Variants in KCNT2 observed in about 807,000 individuals in gnomAD.
KCNT2 encodes the protein potassium channel subfamily T member 2.
KCNT2 carries 67 observed loss-of-function variants against 153.8 expected under a neutral mutation model. The ratio of observed to expected loss-of-function variants is 0.44; its 90% CI spans 0.36 to 0.53. The LOEUF is 0.53. Ranked by LOEUF, KCNT2 falls within the 20% of genes least tolerant of loss-of-function variation. The pLI is 0.00. For missense variants in KCNT2, 975 were observed against 1,354.8 expected (o/e 0.72, Z 4.40); for synonymous variants, 500 against 458.8 (o/e 1.09, Z -1.15).
rs987252508 is a variant in KCNT2, at chr1:196,301,815, C to G, written c.2595+3419G>C. Among the ~76,000 whole-genome samples the G allele has an allele frequency of 7.9e-5, 12 of 152,182 alleles. 1 individual carries two copies. The highest frequency in any genetic ancestry group is 7.3e-5 in the Non-Finnish European group (5 of 68,030). On this transcript the variant is annotated intron_variant, in intron 22 of 27. Coordinates refer to ENST00000294725, the MANE Select transcript of KCNT2 (RefSeq NM_198503.5). Reference sequence around the variant, plus strand: ...AGTGCAATGGCACAATCTTGGCTCACTACACCTTCCACCTCCTGGATTCAA... The same window carrying G: ...AGTGCAATGGCACAATCTTGGCTCAGTACACCTTCCACCTCCTGGATTCAA...
At chr1:196,589,938 C>A (rs1043636354) in intron 1 of KCNT2, among the ~76,000 whole-genome samples, 4 of 151,988 alleles carry the variant, frequency 2.6e-5, no homozygotes, top group Non-Finnish European at 4.4e-5. Context: ...TTTTTTCATT[C>A]CAACACCAGA....
At chr1:196,414,785 T>C (rs1034309422) in intron 12 of KCNT2, among the ~76,000 whole-genome samples, 1 of 151,850 alleles carries the variant, frequency 6.6e-6, no homozygotes, top group African/African-American at 2.4e-5. Flanking sequence ...AACTATTTAG[T>C]GTGAGTGAGT....
chr1:196,349,408 C>T (rs908024811), intron 14 of KCNT2, among the ~76,000 whole-genome samples: 3 of 152,122 alleles, frequency 2.0e-5, no homozygotes, highest in Non-Finnish European at 4.4e-5. Flanking sequence ...GCTTGTTCTC[C>T]CTGGGCTGTC....
chr1:196,441,217 C>A (rs1675193338), intron 8 of KCNT2, among the ~76,000 whole-genome samples: 1 of 151,726 alleles, frequency 6.6e-6, no homozygotes, highest in Non-Finnish European at 1.5e-5. Context: ...ACCTATGAAA[C>A]ATCTTAACCA....
chr1:196,276,918 C>T (rs915750462), intron 25 of KCNT2, among the ~76,000 whole-genome samples: 23 of 152,168 alleles, frequency 1.5e-4, no homozygotes, highest in African/African-American at 4.8e-4. Flanking sequence ...TCCTTTCCTT[C>T]AGTGTTTTGA....
chr1:196,590,914 C>T (rs531949436), intron 1 of KCNT2, among the ~76,000 whole-genome samples: 67 of 151,906 alleles, frequency 4.4e-4, no homozygotes, highest in Non-Finnish European at 7.8e-4. Flanking sequence ...TCACTTGAGG[C>T]CAGGAGTTCA....
At chr1:196,296,993 A>G (rs149243408) in intron 22 of KCNT2, among the ~76,000 whole-genome samples, 1 of 152,168 alleles carries the variant, frequency 6.6e-6, no homozygotes, top group East Asian at 1.9e-4. Context: ...TAACATTTCA[A>G]AAAGAAAGCA....
At chr1:196,486,462 T>G (rs1378476286) in intron 3 of KCNT2, among the ~76,000 whole-genome samples, 2 of 151,882 alleles carry the variant, frequency 1.3e-5, no homozygotes, top group Non-Finnish European at 2.9e-5. Context: ...AAGCAAAAGT[T>G]AAATATAGGA....
intron 22 of KCNT2, among the ~76,000 whole-genome samples, chr1:196,298,840 T>A (rs2147951085): frequency 6.7e-6 from 1 of 148,686 alleles, no homozygotes; most frequent in South Asian, 2.2e-4. Context: ...AAGACACTCC[T>A]ATCACACAGA....
intron 1 of KCNT2, among the ~76,000 whole-genome samples, chr1:196,554,853 G>A (rs1185593215): frequency 6.0e-5 from 9 of 151,152 alleles, no homozygotes; most frequent in Non-Finnish European, 8.9e-5. Flanking sequence ...CAATCAATGC[G>A]ATACATCATA....
At chr1:196,603,319 T>C (rs1664963759) in intron 1 of KCNT2, among the ~76,000 whole-genome samples, 2 of 152,140 alleles carry the variant, frequency 1.3e-5, no homozygotes, top group Admixed American at 1.3e-4. Context: ...GCTCAAAAAT[T>C]TAAAATTGTC....
Position 196,282,326 on chromosome 1 carries a change from T to C in KCNT2, c.2728A>G (p.Thr910Ala). Residue 910 changes from threonine to alanine, a missense_variant, in exon 24 of 28, where the codon ACG (threonine) becomes GCG (alanine). Transcript: ENST00000294725. Reference sequence around the variant, plus strand: ...GTGTCCAGTCCCAACAGAAGTCTCGTGATAGAAATCATATAATCCTTCACA... The same window carrying C: ...GTGTCCAGTCCCAACAGAAGTCTCGCGATAGAAATCATATAATCCTTCACA... ...SFVKDYMISI[T>A]RLLLGLDTTP... is the part of the protein sequence containing the mutation. 1 of 1,600,096 alleles carries C rather than the reference T, an allele frequency of 6.2e-7. No homozygotes were observed. The highest frequency in any genetic ancestry group is 8.6e-7 in the Non-Finnish European group (1 of 1,167,936).
Position 196,341,602 on chromosome 1 carries a change from C to T in KCNT2, c.1553+477G>A, listed in dbSNP as rs1295902486. On this transcript the variant is annotated intron_variant, in intron 15 of 27. Transcript: ENST00000294725. ...CTTCTTAAGTAAATCCTTTTTTTTTCCAAAAAGGAAAAGAAAAAAAAAGTT... is the reference window on the plus strand; with the variant it reads ...CTTCTTAAGTAAATCCTTTTTTTTTTCAAAAAGGAAAAGAAAAAAAAAGTT... 1.5e-4 allele frequency among the ~76,000 whole-genome samples: 22 copies of T among 147,776 alleles called. No individual in the cohort carries two copies. The East Asian group carries it at 3.2e-3, about 21-fold the overall frequency.
chr1:196,601,945 A>T (rs539595214), intron 1 of KCNT2, among the ~76,000 whole-genome samples: 57 of 152,260 alleles, frequency 3.7e-4, no homozygotes, highest in Admixed American at 2.2e-3. Context: ...CTATCTCACA[A>T]TGTTTAGATA....
chr1:196,290,537 T>A (rs770737431), intron 22 of KCNT2, among the ~76,000 whole-genome samples: 4 of 151,862 alleles, frequency 2.6e-5, no homozygotes, highest in Non-Finnish European at 4.4e-5. Flanking sequence ...TATACATATA[T>A]ATGTGTGTGT....
chr1:196,460,299 T>C (rs1427393583), intron 8 of KCNT2, among the ~76,000 whole-genome samples: 1 of 151,810 alleles, frequency 6.6e-6, no homozygotes, highest in African/African-American at 2.4e-5. Flanking sequence ...GGCTTATAAC[T>C]GTAAAAGTCC....
Position 196,228,142 on chromosome 1 carries a change from A to G in KCNT2, c.*82T>C. 1 of 714,648 alleles carries G rather than the reference A, an allele frequency of 1.4e-6. No homozygotes were observed. The highest frequency in any genetic ancestry group is 2.5e-6 in the Non-Finnish European group (1 of 401,748). The allele number at this position is 714,648 out of a possible 1,614,324, so 44.3% of individuals were successfully genotyped here. On this transcript the variant is annotated 3_prime_UTR_variant, in exon 28 of 28. Transcript: ENST00000294725. ...ATATGAGAGAATTACATATATTTCC[A>G]TCTAGTTTCTTTCGTGCCAGCAAAA...
intron 1 of KCNT2, among the ~76,000 whole-genome samples, chr1:196,606,323 C>T (rs566373100): frequency 6.6e-6 from 1 of 152,250 alleles, no homozygotes; most frequent in African/African-American, 2.4e-5. Context: ...ATCTTGCCTT[C>T]AAAGATTAAC....
chr1:196,404,665 T>C (rs1345941676), intron 12 of KCNT2, among the ~76,000 whole-genome samples: 2 of 151,554 alleles, frequency 1.3e-5, no homozygotes, highest in Non-Finnish European at 3.0e-5. Context: ...TAGATGATGC[T>C]ACTTGATCCC....
Sources: gnomAD v4.1 joint callset for allele counts (sites outside exome capture counted in the v4.1 genomes callset) on GRCh38, gnomAD v4.1.1 for gene constraint, MANE v1.5 for transcripts, NCBI Gene and HGNC (gene_info 2026-07-23, HGNC 2026-07-21) for gene names.